HPS4: variants seen among roughly 807,000 people sequenced by gnomAD.
HPS4 encodes HPS4 biogenesis of lysosomal organelles complex 3 subunit 2, also known as BLOC-3 complex member HPS4.
In HPS4, 44 loss-of-function variants were observed where a neutral mutation model predicts 70.3. The observed-to-expected ratio is 0.63, with a 90% confidence interval of 0.49 to 0.80. HPS4 has a LOEUF of 0.80. Among genes scored for constraint, HPS4 ranks in the 30% least tolerant of loss-of-function variants. HPS4 has a pLI of 0.00. For missense variants in HPS4, 873 were observed against 884.4 expected, an observed-to-expected ratio of 0.99 and a Z score of 0.16; for synonymous variants, 377 against 355.9, an observed-to-expected ratio of 1.06 and a Z score of -0.67.
At chr22:26,450,468 T>C (rs2085110664), downstream of HPS4, among the ~76,000 whole-genome samples, 3 of 152,232 alleles carry the variant, frequency 2.0e-5, no homozygotes, top group South Asian at 4.1e-4. Context: ...CCTCTGTCGG[T>C]TGAAGTGACA....
chr22:26,477,476 T>A (rs2090709577), intron 3 of HPS4, among the ~76,000 whole-genome samples: 1 of 152,202 alleles, frequency 6.6e-6, no homozygotes, highest in Non-Finnish European at 1.5e-5. Context: ...ATTATAGGCA[T>A]ATGCTTAGCA....
At chr22:26,478,035 G>A (rs2090791520) in intron 3 of HPS4, among the ~76,000 whole-genome samples, 1 of 152,172 alleles carries the variant, frequency 6.6e-6, no homozygotes, top group Non-Finnish European at 1.5e-5. Flanking sequence ...TGGAAGGAAG[G>A]AAGAGCAGAA....
chr22:26,459,956 G>C (rs2086910427), intron 11 of HPS4, among the ~76,000 whole-genome samples: 1 of 152,218 alleles, frequency 6.6e-6, no homozygotes, highest in African/African-American at 2.4e-5. Context: ...CATATAAAAA[G>C]TACAGAGATG....
In HPS4 at chr22:26,453,660, C is replaced by G. The variant is rs146737414; in HGVS notation, c.1956-256G>C. 1.3e-4 allele frequency: 67 copies of G among 535,998 alleles called. No individual in the cohort carries two copies. In the East Asian group the frequency reaches 2.2e-3, roughly 18 times the overall value. 33.2% of individuals were successfully genotyped at this position (535,998 alleles called of 1,614,324 possible). A position where few individuals can be genotyped will look rare whatever the true frequency, so the allele number is the denominator to read the frequency against. On this transcript the variant is annotated intron_variant, in intron 13 of 13. Coordinates refer to ENST00000398145, the MANE Select transcript of HPS4 (RefSeq NM_022081.6). Reference sequence around the variant, plus strand: ...ATCCACAGTGGCAGCAGCCACAGATCCTGGAGTTATAAGTATTGCATAAAG... The same window carrying G: ...ATCCACAGTGGCAGCAGCCACAGATGCTGGAGTTATAAGTATTGCATAAAG...
At chr22:26,446,195 G>A (rs2084946764), downstream of HPS4, among the ~76,000 whole-genome samples, 1 of 152,136 alleles carries the variant, frequency 6.6e-6, no homozygotes. Context: ...GGCTGGACTG[G>A]CCTCAAGCTC....
chr22:26,468,511 G>C, intron 8 of HPS4, 40 bp downstream of exon 8: 3 of 1,556,732 alleles, frequency 1.9e-6, no homozygotes, highest in Non-Finnish European at 2.7e-6. Flanking sequence ...CCAGTGCTCT[G>C]GGGGATGCTG....
intron 3 of HPS4, 49 bp from the exon 4 acceptor site, chr22:26,477,185 C>CT (rs2090667239): frequency 6.2e-7 from 1 of 1,606,904 alleles, no homozygotes; most frequent in East Asian, 2.2e-5. Context: ...TTCTTGAACT[C>CT]TTAAGTCATT....
rs1036791305 is a variant in HPS4 at position 26,466,482 on chromosome 22, T to C, written c.670-220A>G. On this transcript the variant is annotated intron_variant, in intron 8 of 13. Transcript: ENST00000398145. ...AGCAAGAACCTGGGCCCACACAGGC[T>C]GCAAGGCAGCAGCTCCACCCAAACT... is the stretch of plus-strand genomic sequence containing the variant. The C allele has an allele frequency of 7.3e-5, 46 of 632,784 alleles. 2 individuals carry two copies. In the South Asian group the frequency reaches 8.0e-4, roughly 11 times the overall value. 39.2% of individuals were successfully genotyped at this position (632,784 alleles called of 1,614,324 possible). A position where few individuals can be genotyped will look rare whatever the true frequency, so the allele number is the denominator to read the frequency against.
At chr22:26,481,374 C>T (rs1002861219) in intron 2 of HPS4, among the ~76,000 whole-genome samples, 1 of 152,134 alleles carries the variant, frequency 6.6e-6, no homozygotes, top group Non-Finnish European at 1.5e-5. Context: ...CAGACCTCTC[C>T]TCATGCTGTA....
In HPS4 at chr22:26,464,322, C is replaced by T. The variant is rs5761543; in HGVS notation, c.1308G>A (p.Gln436=). The stretch of plus-strand genomic sequence containing the variant: ...CTTCGAGCTGCTCTTGGGCTCCATG[C>T]TGGGTCAGCATCTCAGGAGCAGAGG... ...RPPSAPEMLT[Q]HGAQEQLEDH... The change falls in exon 11 of 14, where the codon CAG becomes CAA. Residue 436 remains glutamine (Q), a synonymous_variant. Coordinates refer to ENST00000398145, the MANE Select transcript of HPS4 (RefSeq NM_022081.6). 1 of 1,614,102 alleles carries T rather than the reference C, an allele frequency of 6.2e-7. No individual in the cohort carries two copies.
chr22:26,462,789 G>A (rs923135853), intron 11 of HPS4, among the ~76,000 whole-genome samples: 1 of 152,192 alleles, frequency 6.6e-6, no homozygotes, highest in Non-Finnish European at 1.5e-5. Context: ...ATAAGAAGGA[G>A]ATGGATAGTC....
At chr22:26,465,713 G>A (rs1346683341) in intron 9 of HPS4, 162 bp from the exon 10 acceptor site, 14 of 637,506 alleles carry the variant, frequency 2.2e-5, no homozygotes, top group South Asian at 1.5e-4. Flanking sequence ...ACTGCACCTC[G>A]AACTCCTGGG....
chr22:26,462,861 G>A (rs755540194), intron 11 of HPS4, among the ~76,000 whole-genome samples: 4 of 152,310 alleles, frequency 2.6e-5, no homozygotes, highest in South Asian at 2.1e-4. Flanking sequence ...GTGATCCAGC[G>A]TCTGTGGAAA....
chr22:26,445,211 G>C (rs763258), intron 3 of HPS4, among the ~76,000 whole-genome samples: 1 of 152,070 alleles, frequency 6.6e-6, no homozygotes, highest in Non-Finnish European at 1.5e-5. Context: ...GTGCACACCT[G>C]TAGTCCCAGC....
chr22:26,449,016 T>C (rs562709867), downstream of HPS4, among the ~76,000 whole-genome samples: 7 of 151,924 alleles, frequency 4.6e-5, no homozygotes, highest in African/African-American at 1.7e-4. Context: ...GGGAGAGGAG[T>C]GTGTGTGTCG....
In HPS4 at chr22:26,481,783, T is replaced by C; in HGVS notation, c.-21A>G. On this transcript the variant is annotated 5_prime_UTR_variant, in exon 2 of 14. An upstream start codon of the reference 5' UTR is lost. Transcript: ENST00000398145. Reference sequence around the variant, plus strand: ...GCCATCTACTGTGCAGTCATCCTCATTCTCTTCATTTAGGTTTTCTTTTCC... The same window carrying C: ...GCCATCTACTGTGCAGTCATCCTCACTCTCTTCATTTAGGTTTTCTTTTCC... The C allele has an allele frequency of 6.2e-7, 1 of 1,612,892 alleles. No homozygotes were observed. Among genetic ancestry groups the C allele is most frequent in the Non-Finnish European group, 8.5e-7 (1 of 1,178,882 alleles).
downstream of HPS4, among the ~76,000 whole-genome samples, chr22:26,445,944 G>A (rs150352517): frequency 0.012 from 1,757 of 152,270 alleles, 38 homozygotes; most frequent in African/African-American, 0.04. Flanking sequence ...AGAAGCAGCC[G>A]GGCTGCCGCA....
At chr22:26,477,380 C>G (rs967989032) in intron 3 of HPS4, among the ~76,000 whole-genome samples, 1 of 152,204 alleles carries the variant, frequency 6.6e-6, no homozygotes, top group Admixed American at 6.5e-5. Flanking sequence ...AGTTTGCCAA[C>G]CCCTACCTGA....
At chr22:26,458,279 C>T (rs761816931) in intron 12 of HPS4, among the ~76,000 whole-genome samples, 166 bp downstream of exon 12, 2 of 152,232 alleles carry the variant, frequency 1.3e-5, no homozygotes, top group South Asian at 2.1e-4. Flanking sequence ...GCCCAGTGAA[C>T]GCCACACTCA....
Sources: allele counts gnomAD v4.1 joint callset (sites outside exome capture counted in the v4.1 genomes callset), GRCh38; gene constraint gnomAD v4.1.1; transcripts MANE v1.5; gene names NCBI Gene and HGNC (gene_info 2026-07-23, HGNC 2026-07-21).